Variants in KIF13A observed in about 807,000 individuals in gnomAD.
KIF13A encodes the protein kinesin-like protein KIF13A.
Under a neutral mutation model 212.2 loss-of-function variants are expected in KIF13A, and 79 were observed. That is an observed-to-expected ratio of 0.37 (90% CI 0.31 to 0.45). KIF13A has a LOEUF of 0.45. KIF13A is among the 20% of genes least tolerant of loss of function. The pLI, the probability that KIF13A is intolerant of heterozygous loss-of-function variation, is 1.00. For missense variants in KIF13A, 1,901 were observed against 2,209.0 expected, an observed-to-expected ratio of 0.86 and a Z score of 2.79; for synonymous variants, 789 against 808.6, an observed-to-expected ratio of 0.98 and a Z score of 0.41.
Position 17,951,157 on chromosome 6 carries a change from A to T in KIF13A, c.146+35897T>A. 2 of 1,233,436 alleles carry T rather than the reference A, an allele frequency of 1.6e-6. No individual in the cohort carries two copies. The highest frequency in any genetic ancestry group is 2.0e-6 in the Non-Finnish European group (2 of 987,734). 76.4% of individuals were successfully genotyped at this position (1,233,436 alleles called of 1,614,324 possible). On this transcript the variant is annotated intron_variant, in intron 2 of 38. Coordinates refer to ENST00000259711, the MANE Select transcript of KIF13A (RefSeq NM_022113.6). The surrounding 1 kb of genome is among the most constrained non-coding windows in gnomAD (Gnocchi z 4.9). The stretch of plus-strand genomic sequence containing the variant: ...ATGCAATTCACCTCACGCCACTTTA[A>T]TTTTTTATTTTTTTGAAGACAGGGT...
chr6:17,952,547 G>A (rs2150572837), intron 2 of KIF13A, among the ~76,000 whole-genome samples: 1 of 152,054 alleles, frequency 6.6e-6, no homozygotes, highest in South Asian at 2.1e-4. Flanking sequence ...TGAGGTCGGA[G>A]GATCCCTTGA....
At chr6:17,830,174 C>T (rs1056745817) in intron 13 of KIF13A, among the ~76,000 whole-genome samples, 6 of 152,214 alleles carry the variant, frequency 3.9e-5, no homozygotes, top group African/African-American at 1.4e-4. Flanking sequence ...AAAGTGTGAT[C>T]TGAGAACCCC....
At chr6:17,976,350 C>T (rs968256639) in intron 2 of KIF13A, among the ~76,000 whole-genome samples, 1 of 152,230 alleles carries the variant, frequency 6.6e-6, no homozygotes, top group Non-Finnish European at 1.5e-5. Flanking sequence ...GCAGCTAAGG[C>T]CCGGCGAGAA....
downstream of KIF13A, chr6:17,760,788 G>A (rs769193146): frequency 5.0e-5 from 75 of 1,512,180 alleles, no homozygotes; most frequent in Non-Finnish European, 6.9e-5. Context: ...GATGGGGCTG[G>A]TGCTTGCCCA....
chr6:17,876,623 GCATTCATTCATTCATT>G (rs56349524), intron 3 of KIF13A, among the ~76,000 whole-genome samples: 1 of 150,646 alleles, frequency 6.6e-6, no homozygotes. Context: ...GTGTGAGACA[GCATTCATTCATTCATT>G]CATTCATTCA....
At chr6:17,790,982 G>A (rs1218120940) in intron 25 of KIF13A, among the ~76,000 whole-genome samples, 2 of 152,042 alleles carry the variant, frequency 1.3e-5, no homozygotes, top group Non-Finnish European at 2.9e-5. Context: ...GAAAACAAAA[G>A]GGTCTTGGTA....
chr6:17,868,747 A>G (rs915843040), intron 4 of KIF13A, among the ~76,000 whole-genome samples: 15 of 151,954 alleles, frequency 9.9e-5, no homozygotes, highest in Non-Finnish European at 1.3e-4. Flanking sequence ...TCATGCCTGT[A>G]ATCTCAGCAC....
chr6:17,812,137 A>G (rs1456278779), intron 17 of KIF13A: 2 of 152,244 alleles, frequency 1.3e-5, no homozygotes, highest in Non-Finnish European at 2.9e-5. Context: ...ACTATGGTTA[A>G]AAGCAAACCA....
At chr6:17,779,140 C>CAACGTTTTCATCCAAAGTGTGGTGAGAA (rs1760255495) in intron 32 of KIF13A, 41 bp from the exon 33 acceptor site, 1 of 1,574,984 alleles carries the variant, frequency 6.3e-7, no homozygotes, top group African/African-American at 1.4e-5. Context: ...TTGATGTGAA[C>CAACGTTTTCATCCAAAGTGTGGTGAGAA]AACGTTTTCA....
chr6:17,777,330 A>G lies in KIF13A; in HGVS notation c.4117T>C (p.Ser1373Pro). The change falls in exon 34 of 39, where the codon TCC (serine) becomes CCC (proline). Residue 1373 changes from serine (S) to proline (P), a missense_variant. By Grantham distance (74) the Ser-to-Pro change is moderately conservative (BLOSUM62 -1). Coordinates refer to ENST00000259711, the MANE Select transcript of KIF13A (RefSeq NM_022113.6). This position sits in a 1 kb window ranked among gnomAD's most constrained non-coding sequence, Gnocchi z 4.4. ...RQAVTVKEAL[S>P]TKARHIRRSL... ...CTCCGAATGTGCCGGGCTTTGGTGGAAAGTGCTTCTTTGACTGTGACGGCC... is the reference window on the plus strand; with the variant it reads ...CTCCGAATGTGCCGGGCTTTGGTGGGAAGTGCTTCTTTGACTGTGACGGCC... 6.2e-7 allele frequency: 1 copy of G among 1,613,400 alleles called. No homozygotes were observed. Among genetic ancestry groups the G allele is most frequent in the Non-Finnish European group, 8.5e-7 (1 of 1,179,656 alleles).
intron 4 of KIF13A, among the ~76,000 whole-genome samples, chr6:17,866,135 C>A (rs2150422321): frequency 6.6e-6 from 1 of 152,220 alleles, no homozygotes; most frequent in South Asian, 2.1e-4. Flanking sequence ...CAAAGTAAAC[C>A]TTCATTTCTA....
intron 2 of KIF13A, among the ~76,000 whole-genome samples, chr6:17,977,132 A>G (rs1052932807): frequency 1.2e-4 from 18 of 151,454 alleles, no homozygotes; most frequent in South Asian, 4.2e-4. Context: ...AAAAAAAAAA[A>G]AAAAGAAATG....
At chr6:17,976,549 G>A (rs1001032510) in intron 2 of KIF13A, among the ~76,000 whole-genome samples, 6 of 152,058 alleles carry the variant, frequency 3.9e-5, no homozygotes, top group Admixed American at 1.3e-4. Flanking sequence ...GCGCAGCCCC[G>A]GTTCCCGCTC....
Position 17,837,140 on chromosome 6 carries a change from A to T in KIF13A, c.943-50T>A. 6.7e-7 allele frequency: 1 copy of T among 1,489,328 alleles called. No homozygotes were observed. The highest frequency in any genetic ancestry group is 2.3e-5 in the East Asian group (1 of 44,066). 92.3% of individuals were successfully genotyped at this position (1,489,328 alleles called of 1,614,324 possible). On this transcript the variant is annotated intron_variant, in intron 10 of 38. Coordinates refer to ENST00000259711, the MANE Select transcript of KIF13A (RefSeq NM_022113.6). The surrounding 1 kb of genome is among the most constrained non-coding windows in gnomAD (Gnocchi z 5.4). ...TTAGGAAGCCCATTCCATGGACAAC[A>T]CATATGATAAAAGCACTAAATGTGT... is the stretch of plus-strand genomic sequence containing the variant.
intron 4 of KIF13A, among the ~76,000 whole-genome samples, chr6:17,863,126 C>A (rs1439808651): frequency 6.6e-6 from 1 of 152,084 alleles, no homozygotes; most frequent in African/African-American, 2.4e-5. Context: ...AGAAAAGATA[C>A]TTGTTCTTAG....
At chr6:17,920,461 T>C (rs934288487) in intron 2 of KIF13A, among the ~76,000 whole-genome samples, 1 of 152,224 alleles carries the variant, frequency 6.6e-6, no homozygotes, top group Admixed American at 6.5e-5. Flanking sequence ...TCTGGGCCTT[T>C]TGGTTAGCTT....
Position 17,926,250 on chromosome 6 carries a change from G to A in KIF13A, c.147-28070C>T, listed in dbSNP as rs1349839831. Among the ~76,000 whole-genome samples the A allele has an allele frequency of 1.3e-5, 2 of 151,758 alleles. No individual in the cohort carries two copies. The highest frequency in any genetic ancestry group is 2.9e-5 in the Non-Finnish European group (2 of 67,966). On this transcript the variant is annotated intron_variant, in intron 2 of 38. Transcript: ENST00000259711. The surrounding 1 kb of genome is among the most constrained non-coding windows in gnomAD (Gnocchi z 4.3). Reference sequence around the variant, plus strand: ...TCCTGGTGCATTTCTTTATTTTTTTGAGGCAGAGTCTCACTCTGTCACCCA... The same window carrying A: ...TCCTGGTGCATTTCTTTATTTTTTTAAGGCAGAGTCTCACTCTGTCACCCA...
At chr6:17,975,754 T>C (rs973509904) in intron 2 of KIF13A, among the ~76,000 whole-genome samples, 1 of 152,012 alleles carries the variant, frequency 6.6e-6, no homozygotes, top group Non-Finnish European at 1.5e-5. Context: ...ATTAGCTAGA[T>C]ACAGAGTCCA....
intron 11 of KIF13A, among the ~76,000 whole-genome samples, chr6:17,835,217 A>C (rs1191300866): frequency 3.9e-4 from 16 of 41,516 alleles, no homozygotes; most frequent in African/African-American, 1.7e-3. Context: ...AAAAAAAAAA[A>C]AAAAAAAAAA....
Sources: allele counts gnomAD v4.1 joint callset (sites outside exome capture counted in the v4.1 genomes callset), GRCh38; gene constraint gnomAD v4.1.1; non-coding constraint Gnocchi (gnomAD v3.1); transcripts MANE v1.5; gene names NCBI Gene and HGNC (gene_info 2026-07-23, HGNC 2026-07-21).